Variants in SCHIP1 observed in about 807,000 individuals in gnomAD.
The protein encoded by SCHIP1 is schwannomin-interacting protein 1.
A neutral mutation model predicts 29.7 loss-of-function variants in SCHIP1; 8 were observed. The ratio of observed to expected loss-of-function variants is 0.27; its 90% CI spans 0.16 to 0.49. The LOEUF (loss-of-function observed/expected upper bound fraction) is 0.49, where lower values mean the gene tolerates loss of function less well. Ranked by LOEUF, SCHIP1 falls within the 20% of genes least tolerant of loss-of-function variation. SCHIP1 has a pLI of 0.99. For missense variants in SCHIP1, 193 were observed against 294.6 expected, an observed-to-expected ratio of 0.66 and a Z score of 2.52; for synonymous variants, 76 against 94.9, an observed-to-expected ratio of 0.80 and a Z score of 1.16.
At chr3:159,574,573 C>A in the SCHIP1 span, among the ~76,000 whole-genome samples, 1 of 152,190 alleles carries the variant, frequency 6.6e-6, no homozygotes, top group South Asian at 2.1e-4. Context: ...GGGTCAGGGA[C>A]CCACTTGAGA....
the SCHIP1 span, among the ~76,000 whole-genome samples, chr3:159,625,366 TTCTC>T: frequency 1.3e-5 from 2 of 152,160 alleles, no homozygotes; most frequent in African/African-American, 4.8e-5. Flanking sequence ...TAAGTCCTGT[TTCTC>T]TCTTTTGGTC....
chr3:159,277,604 G>A, the SCHIP1 span, among the ~76,000 whole-genome samples: 3 of 152,000 alleles, frequency 2.0e-5, no homozygotes, highest in African/African-American at 7.2e-5. Context: ...AGCAATCAGT[G>A]GAAGATTTAT....
the SCHIP1 span, among the ~76,000 whole-genome samples, chr3:159,828,429 A>G: frequency 4.8e-5 from 4 of 83,668 alleles, no homozygotes; most frequent in Non-Finnish European, 9.7e-5. Context: ...GTATATATAT[A>G]CGTATATATA....
the SCHIP1 span, among the ~76,000 whole-genome samples, chr3:159,380,232 C>G: frequency 1.3e-5 from 2 of 152,166 alleles, no homozygotes; most frequent in Non-Finnish European, 2.9e-5. Flanking sequence ...ATTGACAGCA[C>G]AAATCCCATT....
At chr3:159,492,043 A>T in the SCHIP1 span, among the ~76,000 whole-genome samples, 1 of 152,216 alleles carries the variant, frequency 6.6e-6, no homozygotes, top group Admixed American at 6.5e-5. Context: ...GAAGGTCCTG[A>T]CTGTTAGAAG....
chr3:159,395,148 G>A, the SCHIP1 span, among the ~76,000 whole-genome samples: 3 of 152,148 alleles, frequency 2.0e-5, no homozygotes, highest in Non-Finnish European at 2.9e-5. Flanking sequence ...TTGTATTTCT[G>A]TGGGATCGGT....
the SCHIP1 span, among the ~76,000 whole-genome samples, chr3:159,774,465 C>T: frequency 0.049 from 7,404 of 152,202 alleles, 296 homozygotes; most frequent in Non-Finnish European, 0.06. Context: ...ATCCTTATCA[C>T]TTGTCTTTAT....
the SCHIP1 span, among the ~76,000 whole-genome samples, chr3:159,654,963 T>C: frequency 1.3e-5 from 2 of 152,114 alleles, no homozygotes; most frequent in South Asian, 4.1e-4. Context: ...CACCTTAGTG[T>C]CTGCTGCCCA....
At chr3:159,417,078 C>T in the SCHIP1 span, among the ~76,000 whole-genome samples, 1 of 152,170 alleles carries the variant, frequency 6.6e-6, no homozygotes, top group Admixed American at 6.5e-5. Flanking sequence ...CAATTTCAGG[C>T]CAAGAAAGCT....
chr3:159,331,797 A>G, the SCHIP1 span, among the ~76,000 whole-genome samples: 11 of 152,138 alleles, frequency 7.2e-5, no homozygotes, highest in African/African-American at 2.7e-4. Context: ...CTATAGACAG[A>G]GTGAGGGTTC....
the SCHIP1 span, among the ~76,000 whole-genome samples, chr3:159,425,573 A>T: frequency 6.6e-6 from 1 of 151,472 alleles, no homozygotes; most frequent in African/African-American, 2.4e-5. Context: ...AGAGACTTAG[A>T]CTCCCACACA....
At chr3:159,526,750 C>G in the SCHIP1 span, among the ~76,000 whole-genome samples, 1 of 152,188 alleles carries the variant, frequency 6.6e-6, no homozygotes, top group South Asian at 2.1e-4. Flanking sequence ...CTTGCCATAT[C>G]TGAAGGTGAA....
At chr3:159,329,628 C>T in the SCHIP1 span, among the ~76,000 whole-genome samples, 2 of 152,128 alleles carry the variant, frequency 1.3e-5, no homozygotes, top group Admixed American at 6.5e-5. Context: ...TCCTATTTAT[C>T]GACATAAAAA....
the SCHIP1 span, among the ~76,000 whole-genome samples, chr3:159,358,439 T>G: frequency 1.3e-5 from 2 of 152,114 alleles, no homozygotes; most frequent in Non-Finnish European, 2.9e-5. Context: ...GTGGCTTGAG[T>G]GTGAAGCATG....
At chr3:159,493,364 A>C in the SCHIP1 span, among the ~76,000 whole-genome samples, 20 of 152,214 alleles carry the variant, frequency 1.3e-4, 1 homozygote, top group Admixed American at 1.3e-3. Flanking sequence ...CCCATCTCAC[A>C]TGCAGAGATA....
chr3:159,865,142 C>A (rs1577456465), intron 1 of SCHIP1, among the ~76,000 whole-genome samples: 1 of 152,292 alleles, frequency 6.6e-6, no homozygotes, highest in East Asian at 1.9e-4. Context: ...ACATGACCTG[C>A]ATTTTGTAAT....
At chr3:159,810,247 A>G in the SCHIP1 span, among the ~76,000 whole-genome samples, 2,411 of 151,954 alleles carry the variant, frequency 0.016, 65 homozygotes, top group African/African-American at 0.055. Flanking sequence ...GGGTTTCACT[A>G]TGTTGGCCAG....
chr3:159,620,960 G>A, the SCHIP1 span, among the ~76,000 whole-genome samples: 1 of 152,064 alleles, frequency 6.6e-6, no homozygotes, highest in Non-Finnish European at 1.5e-5. Flanking sequence ...TGTATTTTCT[G>A]GTATTTGCAC....
chr3:159,749,378 G>GAAGCAACAGCAGCTAAAT, the SCHIP1 span, among the ~76,000 whole-genome samples: 16 of 151,820 alleles, frequency 1.1e-4, no homozygotes, highest in Admixed American at 1.1e-3. Flanking sequence ...AAAAAAAGAA[G>GAAGCAACAGCAGCTAAAT]AAGCAACAGC....
Sources: gnomAD v4.1 joint callset for allele counts (sites outside exome capture counted in the v4.1 genomes callset) on GRCh38, gnomAD v4.1.1 for gene constraint, MANE v1.5 for transcripts, NCBI Gene and HGNC (gene_info 2026-07-23, HGNC 2026-07-21) for gene names.